Variants in SASH1 observed in about 807,000 individuals in gnomAD.
SASH1 encodes SAM and SH3 domain containing 1, also known as SAM and SH3 domain-containing protein 1.
SASH1 carries 44 observed loss-of-function variants against 125.2 expected under a neutral mutation model. The ratio of observed to expected loss-of-function variants is 0.35; its 90% CI spans 0.28 to 0.45. SASH1 has a LOEUF of 0.45. Ranked by LOEUF, SASH1 falls within the 20% of genes least tolerant of loss-of-function variation. The pLI, the probability that SASH1 is intolerant of heterozygous loss-of-function variation, is 1.00. For synonymous variants in SASH1, 639 were observed against 649.1 expected, an observed-to-expected ratio of 0.98 and a Z score of 0.24; for missense variants, 1,426 against 1,614.5, an observed-to-expected ratio of 0.88 and a Z score of 2.00.
At chr6:148,537,829 T>TGTGTGG (rs1226118324) in intron 16 of SASH1, among the ~76,000 whole-genome samples, 1 of 129,544 alleles carries the variant, frequency 7.7e-6, no homozygotes, top group East Asian at 2.2e-4. Context: ...TGTGTGTGTG[T>TGTGTGG]GTGGTTGGTG....
chr6:148,523,039 T>G (rs1010111121), intron 10 of SASH1, among the ~76,000 whole-genome samples: 5 of 152,248 alleles, frequency 3.3e-5, no homozygotes, highest in African/African-American at 1.2e-4. Flanking sequence ...ATTCTTTCAG[T>G]TTTTCATTTT....
At chr6:148,361,018 C>T (rs1032673622) in intron 1 of SASH1, among the ~76,000 whole-genome samples, 2 of 151,944 alleles carry the variant, frequency 1.3e-5, no homozygotes, top group African/African-American at 2.4e-5. Context: ...CAGATGTGCA[C>T]GGGGGGAAGA....
the SASH1 span, among the ~76,000 whole-genome samples, chr6:148,259,189 A>C: frequency 6.6e-6 from 1 of 152,158 alleles, no homozygotes; most frequent in Admixed American, 6.5e-5. Flanking sequence ...AGAGCTTGGA[A>C]TCACTCCAGG....
At chr6:148,286,691 C>T (rs1395300764) in intron 1 of SASH1, among the ~76,000 whole-genome samples, 1 of 152,136 alleles carries the variant, frequency 6.6e-6, no homozygotes, top group African/African-American at 2.4e-5. Flanking sequence ...GGACACCAGT[C>T]ATACGGATTA....
chr6:148,220,628 G>GCTCA, the SASH1 span, among the ~76,000 whole-genome samples: 1 of 152,122 alleles, frequency 6.6e-6, no homozygotes, highest in African/African-American at 2.4e-5. Flanking sequence ...ATGAAAAAAT[G>GCTCA]CTCAGTCTGG....
At chr6:148,271,205 C>G (rs753376414), upstream of SASH1, among the ~76,000 whole-genome samples, 2 of 152,128 alleles carry the variant, frequency 1.3e-5, no homozygotes, top group Non-Finnish European at 2.9e-5. Context: ...CCACCGCGCC[C>G]AGCTCATCCA....
the SASH1 span, among the ~76,000 whole-genome samples, chr6:148,197,894 G>T: frequency 6.6e-6 from 1 of 152,164 alleles, no homozygotes; most frequent in African/African-American, 2.4e-5. Context: ...CTGTCACCCA[G>T]GCTGGAGTGC....
At chr6:148,421,134 GAAGGAAGGAAGGAAGAAAGAAAGA>G (rs1399277746) in intron 2 of SASH1, among the ~76,000 whole-genome samples, 5,115 of 95,274 alleles carry the variant, frequency 0.054, 178 homozygotes, top group Non-Finnish European at 0.064. Context: ...AGAAAGGAAG[GAAGGAAGGAAGGAAGAAAGAAAGA>G]AAGAAAGAAA....
chr6:148,219,015 C>T, the SASH1 span, among the ~76,000 whole-genome samples: 1 of 152,202 alleles, frequency 6.6e-6, no homozygotes, highest in African/African-American at 2.4e-5. Flanking sequence ...GACTGGGCTT[C>T]CTTGGAAAGA....
intron 4 of SASH1, among the ~76,000 whole-genome samples, chr6:148,451,466 T>C (rs1777098643): frequency 6.6e-6 from 1 of 152,218 alleles, no homozygotes; most frequent in South Asian, 2.1e-4. Flanking sequence ...TTCTATTTCA[T>C]AGTCTGGTTC....
chr6:148,273,848 A>G (rs1458492806), intron 1 of SASH1, among the ~76,000 whole-genome samples: 1 of 152,216 alleles, frequency 6.6e-6, no homozygotes, highest in Non-Finnish European at 1.5e-5. Flanking sequence ...AGTGCCTGGT[A>G]CTGTCGGTGC....
intron 1 of SASH1, among the ~76,000 whole-genome samples, chr6:148,364,349 C>T (rs1782365729): frequency 6.6e-6 from 1 of 152,120 alleles, no homozygotes; most frequent in Non-Finnish European, 1.5e-5. Flanking sequence ...CACCACTGCT[C>T]CACTTTCCTT....
intron 2 of SASH1, among the ~76,000 whole-genome samples, chr6:148,408,483 G>A (rs961151502): frequency 1.3e-5 from 2 of 152,104 alleles, no homozygotes; most frequent in African/African-American, 4.8e-5. Context: ...CCATTTATGA[G>A]TTGGATTGTT....
At chr6:148,486,963 A>G (rs1301440519) in intron 7 of SASH1, among the ~76,000 whole-genome samples, 2 of 26,610 alleles carry the variant, frequency 7.5e-5, no homozygotes, top group Non-Finnish European at 1.9e-4. Context: ...ATATATATAT[A>G]TATATATATA....
chr6:148,542,482 G>T (rs575794476), intron 17 of SASH1, among the ~76,000 whole-genome samples: 23 of 152,236 alleles, frequency 1.5e-4, no homozygotes, highest in African/African-American at 5.5e-4. Context: ...CACCTCCCGG[G>T]TTCATGCCAT....
At position 148,487,650 on chromosome 6, in the gene SASH1, G is replaced by T. The variant is rs1239811555; in HGVS notation, c.664G>T (p.Ala222Ser). 5.0e-6 allele frequency: 8 copies of T among 1,613,688 alleles called. No individual in the cohort carries two copies. The highest frequency in any genetic ancestry group is 6.8e-6 in the Non-Finnish European group (8 of 1,179,890). Residue 222 changes from alanine (A) to serine (S), a missense_variant, in exon 8 of 20, where the codon GCC becomes TCC. This residue lies in a region of SASH1 where 567 missense variants were observed against 575.6 expected (regional missense o/e 0.99). Coordinates refer to ENST00000367467, the MANE Select transcript of SASH1 (RefSeq NM_015278.5). The part of the protein sequence containing the change: ...EYEAQHRQSA[A>S]LDPADWPDGS... The stretch of plus-strand genomic sequence containing the variant: ...CGAGGCCCAGCACCGGCAGTCGGCT[G>T]CCCTGGACCCTGCTGACTGGCCAGA...
intron 2 of SASH1, among the ~76,000 whole-genome samples, chr6:148,391,020 G>T (rs1463100860): frequency 6.6e-6 from 1 of 151,674 alleles, no homozygotes; most frequent in South Asian, 2.1e-4. Flanking sequence ...CCCTCACCTA[G>T]CAATAATCAC....
chr6:148,384,976 T>C (rs375090765), intron 1 of SASH1, among the ~76,000 whole-genome samples: 4 of 152,224 alleles, frequency 2.6e-5, no homozygotes, highest in South Asian at 4.1e-4. Context: ...GTTTCATTGA[T>C]TGGAATGTAA....
the SASH1 span, among the ~76,000 whole-genome samples, chr6:148,260,358 A>G: frequency 3.9e-5 from 6 of 152,160 alleles, no homozygotes; most frequent in African/African-American, 1.4e-4. Flanking sequence ...CTGTAATCTC[A>G]GTGCTTTGGA....
Sources: gnomAD v4.1 joint callset for allele counts (sites outside exome capture counted in the v4.1 genomes callset) on GRCh38, gnomAD v4.1.1 for gene constraint, gnomAD v4.1.1 regional missense constraint, MANE v1.5 for transcripts, NCBI Gene and HGNC (gene_info 2026-07-23, HGNC 2026-07-21) for gene names.